Variants in BTD observed in about 807,000 individuals in gnomAD.
BTD encodes biotinidase.
BTD carries 13 observed loss-of-function variants against 17.7 expected under a neutral mutation model. The ratio of observed to expected loss-of-function variants is 0.74; its 90% confidence interval spans 0.48 to 1.17. The LOEUF (loss-of-function observed/expected upper bound fraction) is 1.17. Ranked by LOEUF, BTD falls within the 50% of genes most tolerant of loss-of-function variation. The probability of loss-of-function intolerance (pLI) is 0.00; values close to 1 mark genes in which losing one functional copy is unlikely to be tolerated. For synonymous variants in BTD, 240 were observed against 245.2 expected (o/e 0.98, Z 0.20); for missense variants, 674 against 650.4 (o/e 1.04, Z -0.39).
intron 3 of BTD, among the ~76,000 whole-genome samples, chr3:15,700,540 C>T (rs2070417415): frequency 6.6e-6 from 1 of 151,976 alleles, no homozygotes; most frequent in South Asian, 2.1e-4. Context: ...CTTTGAGAGG[C>T]TGAGGCGGGC....
chr3:15,696,861 C>T (rs575676966), intron 3 of BTD, among the ~76,000 whole-genome samples: 1 of 152,198 alleles, frequency 6.6e-6, no homozygotes, highest in African/African-American at 2.4e-5. Context: ...TGTAAAACCA[C>T]TATGGAAAAC....
chr3:15,610,679 G>C (rs1332713706), intron 1 of BTD, among the ~76,000 whole-genome samples: 1 of 152,092 alleles, frequency 6.6e-6, no homozygotes, highest in Non-Finnish European at 1.5e-5. Flanking sequence ...TTTAAAATAA[G>C]TCTTGATGTT....
intron 1 of BTD, among the ~76,000 whole-genome samples, chr3:15,613,936 G>A (rs373262478): frequency 3.9e-5 from 6 of 151,914 alleles, no homozygotes; most frequent in South Asian, 4.2e-4. Flanking sequence ...CTCTGGTTGC[G>A]TCTAAGATTT....
At chr3:15,639,005 G>T (rs1221920788) in intron 2 of BTD, among the ~76,000 whole-genome samples, 1 of 152,138 alleles carries the variant, frequency 6.6e-6, no homozygotes, top group East Asian at 1.9e-4. Flanking sequence ...TCTCAGTAGG[G>T]GCATTCATAG....
chr3:15,641,502 T>TA (rs2065507248), intron 2 of BTD, among the ~76,000 whole-genome samples: 2 of 152,230 alleles, frequency 1.3e-5, no homozygotes, highest in African/African-American at 4.8e-5. Flanking sequence ...AGACTGAAGA[T>TA]ACCACGTGTG....
intron 1 of BTD, among the ~76,000 whole-genome samples, chr3:15,625,611 A>G (rs2065046988): frequency 6.6e-6 from 1 of 152,168 alleles, no homozygotes; most frequent in Non-Finnish European, 1.5e-5. Flanking sequence ...GCTGGAGTGC[A>G]GTGGTGCGAT....
At position 15,645,473 on chromosome 3, in the gene BTD, G is replaced by A. The variant is rs1157996521; in HGVS notation, c.1557G>A (p.Leu519=). 4.4e-6 allele frequency: 7 copies of A among 1,607,464 alleles called. No individual in the cohort carries two copies. The highest frequency in any genetic ancestry group is 5.9e-6 in the Non-Finnish European group (7 of 1,179,992). ...TGACGGCGGCTCTCTATGGGCGCTT[G>A]TATGAGAGGGACTAGGAAAAGTGTG... The part of the protein sequence containing the change: ...GLVTAALYGR[L]YERD Residue 519 remains leucine (L), a synonymous_variant, in exon 4 of 4, where the codon TTG becomes TTA. Coordinates refer to ENST00000643237, the MANE Select transcript of BTD (RefSeq NM_001370658.1).
intron 1 of BTD, chr3:15,632,712 A>G (rs1394998660): frequency 1.3e-5 from 2 of 152,206 alleles, no homozygotes; most frequent in Non-Finnish European, 2.9e-5. Flanking sequence ...CTCACGGGCC[A>G]GCACCTGGTA....
chr3:15,677,199 T>C, intron 3 of BTD: 1 of 696,244 alleles, frequency 1.4e-6, no homozygotes, highest in Non-Finnish European at 2.4e-6. Flanking sequence ...ATCTTAATAT[T>C]TGCCCAAACA....
At chr3:15,713,623 TCA>T, downstream of BTD, 1 of 1,607,098 alleles carries the variant, frequency 6.2e-7, no homozygotes, top group Non-Finnish European at 8.5e-7. Flanking sequence ...ATTCTTATCC[TCA>T]CAGTCGATTA....
At chr3:15,694,856 C>T (rs879689905) in intron 3 of BTD, 2 of 1,564,700 alleles carry the variant, frequency 1.3e-6, no homozygotes, top group Admixed American at 3.3e-5. Flanking sequence ...AGACATACTA[C>T]AGCAATTATT....
chr3:15,688,948 T>TC (rs1279112066), intron 3 of BTD, among the ~76,000 whole-genome samples: 1 of 152,234 alleles, frequency 6.6e-6, no homozygotes, highest in Non-Finnish European at 1.5e-5. Context: ...ATTATACCAA[T>TC]CCAAAATAAC....
chr3:15,666,123 A>T (rs1559291158), intron 3 of BTD, among the ~76,000 whole-genome samples: 1 of 152,240 alleles, frequency 6.6e-6, no homozygotes, highest in Non-Finnish European at 1.5e-5. Context: ...AGAGCCTAGC[A>T]CAGTTCCTGG....
Position 15,645,447 on chromosome 3 carries a change from G to C in BTD, c.1531G>C (p.Val511Leu), listed in dbSNP as rs777741493. ...GAAAAGTAGGCTGTCCTCTGGGCTG[G>C]TGACGGCGGCTCTCTATGGGCGCTT... is the stretch of plus-strand genomic sequence containing the variant. ...LRKSRLSSGL[V>L]TAALYGRLYE... The change falls in exon 4 of 4, where the codon GTG (valine) becomes CTG (leucine). Residue 511 changes from valine (V) to leucine (L), a missense_variant. By Grantham distance (32) the Val-to-Leu change is conservative. Coordinates refer to ENST00000643237, the MANE Select transcript of BTD (RefSeq NM_001370658.1). 6.2e-7 allele frequency: 1 copy of C among 1,612,356 alleles called. No individual in the cohort carries two copies. Among genetic ancestry groups the C allele is most frequent in the Non-Finnish European group, 8.5e-7 (1 of 1,180,014 alleles).
intron 3 of BTD, chr3:15,708,119 A>T: frequency 6.5e-7 from 1 of 1,539,816 alleles, no homozygotes; most frequent in East Asian, 2.4e-5. Context: ...TAACTAGTAA[A>T]CAAAAGCATA....
At chr3:15,655,486 C>T (rs1215216362), downstream of BTD, among the ~76,000 whole-genome samples, 3 of 152,132 alleles carry the variant, frequency 2.0e-5, no homozygotes, top group African/African-American at 7.2e-5. Flanking sequence ...GGACATATGT[C>T]ACAAAACAGA....
intron 3 of BTD, among the ~76,000 whole-genome samples, chr3:15,700,394 T>C (rs2070384854): frequency 6.6e-6 from 1 of 151,810 alleles, no homozygotes; most frequent in African/African-American, 2.4e-5. Flanking sequence ...ACATGGCACA[T>C]GTATACCTAT....
chr3:15,705,606 T>C (rs2071244920), intron 3 of BTD, among the ~76,000 whole-genome samples: 1 of 152,232 alleles, frequency 6.6e-6, no homozygotes, highest in South Asian at 2.1e-4. Context: ...CAAAATATTT[T>C]CTGATTTATA....
exon 4 of BTD, chr3:15,711,095 C>A: frequency 1.2e-6 from 1 of 864,634 alleles, no homozygotes; most frequent in East Asian, 2.8e-5. Context: ...CAAACAACTC[C>A]TGTTTTGTTT....
Sources: allele counts gnomAD v4.1 joint callset (sites outside exome capture counted in the v4.1 genomes callset), GRCh38; gene constraint gnomAD v4.1.1; transcripts MANE v1.5; gene names NCBI Gene and HGNC (gene_info 2026-07-23, HGNC 2026-07-21).